The following DUSP28 variants were observed in gnomAD, a reference collection of about 807,000 sequenced individuals.
DUSP28 encodes the protein dual specificity phosphatase 28.
In DUSP28, 11 loss-of-function variants were observed where a neutral mutation model predicts 8.4. That is an observed-to-expected ratio of 1.31 (90% CI 0.83 to 2.17). The LOEUF (loss-of-function observed/expected upper bound fraction) is 2.17. Ranked by LOEUF, DUSP28 falls within the 30% of genes most tolerant of loss-of-function variation. The pLI is 0.00. For missense variants in DUSP28, 373 were observed against 270.4 expected (o/e 1.38, Z -2.66); for synonymous variants, 178 against 130.9 (o/e 1.36, Z -2.46).
chr2:240,561,233 C>G (rs1304149696), intron 1 of DUSP28, 97 bp from the exon 2 acceptor site: 7 of 1,588,314 alleles, frequency 4.4e-6, no homozygotes, highest in African/African-American at 1.4e-5. Flanking sequence ...GAGGCACTTC[C>G]GGGTTGGGCG....
rs1282666292 is a variant in DUSP28, at chr2:240,562,649, C to T, written c.*1182C>T. The T allele has an allele frequency of 6.6e-6, 1 of 152,168 alleles. No individual in the cohort carries two copies. Among genetic ancestry groups the T allele is most frequent in the Non-Finnish European group, 1.5e-5 (1 of 68,040 alleles). The allele number at this position is 152,168 out of a possible 1,614,324, so 9.4% of individuals were successfully genotyped here. A position where few individuals can be genotyped will look rare whatever the true frequency, so the allele number is the denominator to read the frequency against. On this transcript the variant is annotated 3_prime_UTR_variant, in exon 2 of 2. Transcript: ENST00000405954. ...GTGGGATGGCCATTCTCAATGTTCT[C>T]CAATAAACTGGGGTAATTAAAATAT...
intron 1 of DUSP28, 117 bp from the exon 2 acceptor site, chr2:240,561,213 G>C: frequency 6.4e-7 from 1 of 1,566,316 alleles, no homozygotes; most frequent in Admixed American, 1.9e-5. Context: ...GGCGGGCTTA[G>C]GGAAGCAGAG....
rs774218472 is a variant in DUSP28 at position 240,560,701 on chromosome 2, C to A, written c.17C>A (p.Ala6Asp). 6.5e-6 allele frequency: 10 copies of A among 1,528,972 alleles called. 1 individual carries two copies. In the Admixed American group the frequency reaches 2.1e-4, roughly 31 times the overall value. The allele number at this position is 1,528,972 out of a possible 1,614,324, so 94.7% of individuals were successfully genotyped here. A position where few individuals can be genotyped will look rare whatever the true frequency, so the allele number is the denominator to read the frequency against. MGPAE[A>D]GRRGAASPVP... ...GCGGGCGCCATGGGACCGGCAGAAGCTGGGCGCCGCGGGGCCGCCTCGCCC... is the reference window on the plus strand; with the variant it reads ...GCGGGCGCCATGGGACCGGCAGAAGATGGGCGCCGCGGGGCCGCCTCGCCC... The change falls in exon 1 of 2, where the codon GCT becomes GAT. Residue 6 changes from alanine to aspartate, a missense_variant. By Grantham distance (126) the Ala-to-Asp change is moderately radical. Transcript: ENST00000405954.
At position 240,560,732 on chromosome 2, in the gene DUSP28, T is replaced by A. The variant is rs746216059; in HGVS notation, c.48T>A (p.Pro16=). Residue 16 remains proline (P), a synonymous_variant, in exon 1 of 2, where the codon CCT becomes CCA. Transcript: ENST00000405954. ...GCCGCGGGGCCGCCTCGCCCGTACC[T>A]CCACCGTTGGTGCGCGTCGCGCCCT... ...AGRRGAASPV[P]PPLVRVAPSL... The A allele has an allele frequency of 2.6e-6, 4 of 1,520,166 alleles. No individual in the cohort carries two copies. The highest frequency in any genetic ancestry group is 2.6e-6 in the Non-Finnish European group (3 of 1,146,074). 94.2% of individuals were successfully genotyped at this position (1,520,166 alleles called of 1,614,324 possible).
rs532763922 is a variant in DUSP28 at position 240,565,113 on chromosome 2, T to G, written c.*3646T>G. On this transcript the variant is annotated 3_prime_UTR_variant, in exon 2 of 2. Transcript: ENST00000405954. ...CTAAAGACTATCCTAGAATCAACAC[T>G]CCTTAAATAGGAGTGGGGAAAGAAA... 4.6e-5 allele frequency among the ~76,000 whole-genome samples: 7 copies of G among 152,308 alleles called. No individual in the cohort carries two copies. Among genetic ancestry groups the G allele is most frequent in the African/African-American group, 1.7e-4 (7 of 41,556 alleles).
In DUSP28 at chr2:240,562,113, G is replaced by A. The variant is rs2092972685; in HGVS notation, c.*646G>A. The A allele has an allele frequency of 6.6e-6, 1 of 152,010 alleles. No homozygotes were observed. The allele number at this position is 152,010 out of a possible 1,614,324, so 9.4% of individuals were successfully genotyped here. A position where few individuals can be genotyped will look rare whatever the true frequency, so the allele number is the denominator to read the frequency against. ...TTTTTTTGTTTGTTTGTTTGAGACA[G>A]AGTCTCTGTTGCCCAGGCTGGAGTG... On this transcript the variant is annotated 3_prime_UTR_variant, in exon 2 of 2. Transcript: ENST00000405954.
In DUSP28 at chr2:240,565,191, T is replaced by TA. The variant is rs2092998145; in HGVS notation, c.*3725dup. ...CACAGATAACGTAGTCATTGGTTAA[T>TA]ATATACAACTACGCGTATTTACATT... On this transcript the variant is annotated 3_prime_UTR_variant, in exon 2 of 2. Coordinates refer to ENST00000405954, the MANE Select transcript of DUSP28 (RefSeq NM_001370465.2). Among the ~76,000 whole-genome samples the TA allele has an allele frequency of 6.6e-6, 1 of 151,680 alleles. No homozygotes were observed. Among genetic ancestry groups the TA allele is most frequent in the African/African-American group, 2.4e-5 (1 of 41,462 alleles).
At position 240,563,681 on chromosome 2, in the gene DUSP28, T is replaced by G. The variant is rs951546136; in HGVS notation, c.*2214T>G. The G allele has an allele frequency of 2.6e-5, 4 of 152,692 alleles. No individual in the cohort carries two copies. The highest frequency in any genetic ancestry group is 1.3e-4 in the Admixed American group (2 of 15,294). 9.5% of individuals were successfully genotyped at this position (152,692 alleles called of 1,614,324 possible). A position where few individuals can be genotyped will look rare whatever the true frequency, so the allele number is the denominator to read the frequency against. On this transcript the variant is annotated 3_prime_UTR_variant, in exon 2 of 2. Coordinates refer to ENST00000405954, the MANE Select transcript of DUSP28 (RefSeq NM_001370465.2). ...TTTCTGTTTGCATTTCAGCTGTTTC[T>G]GGCAAAGCCTGCCGTGTCTTACATT...
chr2:240,561,294 C>T (rs767660354), intron 1 of DUSP28, 36 bp from the exon 2 acceptor site: 22 of 1,612,840 alleles, frequency 1.4e-5, no homozygotes, highest in East Asian at 2.2e-5. Context: ...GCCATTAGCG[C>T]GACTTGGGGT....
Position 240,561,586 on chromosome 2 carries a change from T to C in DUSP28, c.*119T>C, listed in dbSNP as rs2092960879. On this transcript the variant is annotated 3_prime_UTR_variant, in exon 2 of 2. Coordinates refer to ENST00000405954, the MANE Select transcript of DUSP28 (RefSeq NM_001370465.2). ...CCTTTGTGTGTGTGTGTGTGAAACA[T>C]AGTGCTTTTAATTTTATATTTCCGG... The C allele has an allele frequency of 2.3e-6, 3 of 1,283,644 alleles. No homozygotes were observed. The African/African-American group carries it at 4.5e-5, about 19-fold the overall frequency. The allele number at this position is 1,283,644 out of a possible 1,614,324, so 79.5% of individuals were successfully genotyped here. A position where few individuals can be genotyped will look rare whatever the true frequency, so the allele number is the denominator to read the frequency against.
chr2:240,560,568 C>T lies in DUSP28; in HGVS notation c.-117C>T, dbSNP rs2092886247. The T allele has an allele frequency of 1.5e-6, 2 of 1,311,618 alleles. No homozygotes were observed. The highest frequency in any genetic ancestry group is 1.6e-5 in the African/African-American group (1 of 64,504). The allele number at this position is 1,311,618 out of a possible 1,614,324, so 81.2% of individuals were successfully genotyped here. On this transcript the variant is annotated 5_prime_UTR_variant, in exon 1 of 2. Coordinates refer to ENST00000405954, the MANE Select transcript of DUSP28 (RefSeq NM_001370465.2). ...CCAGCCTGGTCCACCTCGGAGGCCT[C>T]TAGGACCCGGGGGCGCCCGGCGGCC... is the stretch of plus-strand genomic sequence containing the variant.
intron 1 of DUSP28, 81 bp downstream of exon 1, chr2:240,561,158 G>T: frequency 6.8e-7 from 1 of 1,473,880 alleles, no homozygotes; most frequent in Non-Finnish European, 8.9e-7. Flanking sequence ...GCCGGCTTCG[G>T]GATTGGGACA....
rs2092957597 is a variant in DUSP28 at position 240,561,483 on chromosome 2, T to G, written c.*16T>G. On this transcript the variant is annotated 3_prime_UTR_variant, in exon 2 of 2. Transcript: ENST00000405954. ...TGAGGCTTGAAGCTTGAAGGCCTGC[T>G]GCCTGGAGGAAGGATGTCCCTGCAC... is the stretch of plus-strand genomic sequence containing the variant. 2.5e-6 allele frequency: 4 copies of G among 1,608,846 alleles called. No homozygotes were observed. Among genetic ancestry groups the G allele is most frequent in the East Asian group, 2.2e-5 (1 of 44,780 alleles).
chr2:240,564,851 C>CA lies in DUSP28; in HGVS notation c.*3385dup, dbSNP rs2092997285. On this transcript the variant is annotated 3_prime_UTR_variant, in exon 2 of 2. Coordinates refer to ENST00000405954, the MANE Select transcript of DUSP28 (RefSeq NM_001370465.2). ...GCAGGGGAGAAGGAGGCTGTGCTGA[C>CA]AGACGGCCTGGTGAGGGAACCCGGG... Among the ~76,000 whole-genome samples, 1 of 152,230 alleles carries CA rather than the reference C, an allele frequency of 6.6e-6. No homozygotes were observed. The highest frequency in any genetic ancestry group is 2.1e-4 in the South Asian group (1 of 4,836).
At position 240,560,883 on chromosome 2, in the gene DUSP28, C is replaced by T. The variant is rs1164170157; in HGVS notation, c.199C>T (p.Arg67Cys). Residue 67 changes from arginine to cysteine, a missense_variant, in exon 1 of 2, where the codon CGC becomes TGC. Arg to Cys is a radical substitution (Grantham distance 180). Coordinates refer to ENST00000405954, the MANE Select transcript of DUSP28 (RefSeq NM_001370465.2). Reference protein sequence around the residue: ...GPRAPGVAELRVPVFDDPAED... With the variant: ...GPRAPGVAELCVPVFDDPAED... ...GCGCGCGCCCGGCGTGGCAGAGCTG[C>T]GCGTGCCCGTGTTCGACGACCCGGC... The T allele has an allele frequency of 6.6e-7, 1 of 1,505,350 alleles. No homozygotes were observed. The highest frequency in any genetic ancestry group is 2.3e-4 in the Middle Eastern group (1 of 4,274). The allele number at this position is 1,505,350 out of a possible 1,614,324, so 93.2% of individuals were successfully genotyped here.
chr2:240,562,261 T>C lies in DUSP28; in HGVS notation c.*794T>C, dbSNP rs369644239. 1 of 151,620 alleles carries C rather than the reference T, an allele frequency of 6.6e-6. No individual in the cohort carries two copies. The highest frequency in any genetic ancestry group is 1.9e-4 in the East Asian group (1 of 5,190). 9.4% of individuals were successfully genotyped at this position (151,620 alleles called of 1,614,324 possible). A position where few individuals can be genotyped will look rare whatever the true frequency, so the allele number is the denominator to read the frequency against. On this transcript the variant is annotated 3_prime_UTR_variant, in exon 2 of 2. Transcript: ENST00000405954. ...CACCAGACCCGGCTAATTTTTTGTA[T>C]TTTTAGTAGAGATGGGGGGTTTCAC... is the stretch of plus-strand genomic sequence containing the variant.
Position 240,565,045 on chromosome 2 carries a change from C to G in DUSP28, c.*3578C>G, listed in dbSNP as rs1286293619. ...CTGGAGGCATCCAAGCATGTTGATT[C>G]CTTCTCTAGTTCAGACACCACCTCT... On this transcript the variant is annotated 3_prime_UTR_variant, in exon 2 of 2. Transcript: ENST00000405954. Among the ~76,000 whole-genome samples the G allele has an allele frequency of 2.0e-5, 3 of 152,222 alleles. No homozygotes were observed. Among genetic ancestry groups the G allele is most frequent in the African/African-American group, 7.2e-5 (3 of 41,460 alleles).
rs762136480 is a variant in DUSP28 at position 240,561,350 on chromosome 2, G to A, written c.414G>A (p.Pro138=). 1.9e-6 allele frequency: 3 copies of A among 1,613,866 alleles called. No homozygotes were observed. Among genetic ancestry groups the A allele is most frequent in the Non-Finnish European group, 2.5e-6 (3 of 1,180,042 alleles). The part of the protein sequence containing the change: ...KAFQMVKSAR[P]VAEPNPGFWS... ...TGCAGATGGTGAAGAGCGCTCGCCC[G>A]GTAGCAGAACCGAACCCGGGCTTCT... is the stretch of plus-strand genomic sequence containing the variant. Residue 138 remains proline (P), a synonymous_variant, in exon 2 of 2, where the codon CCG becomes CCA. Coordinates refer to ENST00000405954, the MANE Select transcript of DUSP28 (RefSeq NM_001370465.2).
At position 240,562,750 on chromosome 2, in the gene DUSP28, T is replaced by C. The variant is rs2092987468; in HGVS notation, c.*1283T>C. 1 of 152,190 alleles carries C rather than the reference T, an allele frequency of 6.6e-6. No homozygotes were observed. The highest frequency in any genetic ancestry group is 6.5e-5 in the Admixed American group (1 of 15,268). 9.4% of individuals were successfully genotyped at this position (152,190 alleles called of 1,614,324 possible). Reference sequence around the variant, plus strand: ...TTGTTAAATGTCTTAACATTGCAAGTGAGGGTTCCCATTTTATCAGAAAAT... The same window carrying C: ...TTGTTAAATGTCTTAACATTGCAAGCGAGGGTTCCCATTTTATCAGAAAAT... On this transcript the variant is annotated 3_prime_UTR_variant, in exon 2 of 2. Coordinates refer to ENST00000405954, the MANE Select transcript of DUSP28 (RefSeq NM_001370465.2).
Sources: gnomAD v4.1 joint callset for allele counts (sites outside exome capture counted in the v4.1 genomes callset) on GRCh38, gnomAD v4.1.1 for gene constraint, MANE v1.5 for transcripts, NCBI Gene and HGNC (gene_info 2026-07-23, HGNC 2026-07-21) for gene names.